MEMO1: variants seen among roughly 807,000 people sequenced by gnomAD.
MEMO1 encodes mediator of cell motility 1, also known as protein MEMO1.
Under a neutral mutation model 45.2 loss-of-function variants are expected in MEMO1, and 6 were observed. The ratio of observed to expected loss-of-function variants is 0.13; its 90% CI spans 0.07 to 0.26. The LOEUF (loss-of-function observed/expected upper bound fraction) is 0.26, where lower values mean the gene tolerates loss of function less well. Among genes scored for constraint, MEMO1 ranks in the 10% least tolerant of loss-of-function variants. The pLI is 1.00. For synonymous variants in MEMO1, 78 were observed against 124.3 expected (o/e 0.63, Z 2.48); for missense variants, 184 against 370.5 (o/e 0.50, Z 4.13).
At chr2:31,969,890 C>G (rs1258004462) in intron 2 of MEMO1, among the ~76,000 whole-genome samples, 1 of 151,944 alleles carries the variant, frequency 6.6e-6, no homozygotes, top group Non-Finnish European at 1.5e-5. Context: ...GCCACTGTGC[C>G]TGGCCACGGT....
chr2:31,937,763 A>AG (rs924812484), intron 3 of MEMO1, among the ~76,000 whole-genome samples: 2 of 152,190 alleles, frequency 1.3e-5, no homozygotes, highest in African/African-American at 4.8e-5. Flanking sequence ...TAAATGTATA[A>AG]GGGGGGCTTC....
chr2:31,910,715 C>G (rs918991458), intron 6 of MEMO1, among the ~76,000 whole-genome samples: 2 of 151,992 alleles, frequency 1.3e-5, no homozygotes, highest in Non-Finnish European at 2.9e-5. Flanking sequence ...TAAAAATTAG[C>G]CAGGCATGGT....
chr2:31,931,390 A>G (rs1338805243), intron 4 of MEMO1, among the ~76,000 whole-genome samples: 2 of 152,156 alleles, frequency 1.3e-5, no homozygotes, highest in African/African-American at 4.8e-5. Context: ...ACCTATTCAC[A>G]TAGCTTGTAC....
chr2:31,920,936 C>T (rs557412327), intron 4 of MEMO1, 26 bp from the exon 5 acceptor site: 29 of 1,438,416 alleles, frequency 2.0e-5, no homozygotes, highest in Non-Finnish European at 2.4e-5. Context: ...CAAAAAAACA[C>T]GTAACAATTG....
intron 2 of MEMO1, among the ~76,000 whole-genome samples, chr2:31,986,221 C>T (rs911176223): frequency 3.9e-5 from 6 of 152,018 alleles, no homozygotes; most frequent in African/African-American, 1.5e-4. Flanking sequence ...GGTGAAACCC[C>T]GTCTCTACTA....
At chr2:31,892,205 AT>A in intron 6 of MEMO1, 71 bp from the exon 7 acceptor site, 1 of 1,374,350 alleles carries the variant, frequency 7.3e-7, no homozygotes, top group Non-Finnish European at 1.0e-6. Flanking sequence ...ATGTGTTGGC[AT>A]TAGAAAGTGG....
At chr2:31,881,871 C>T (rs183768082) in intron 8 of MEMO1, among the ~76,000 whole-genome samples, 38 of 152,144 alleles carry the variant, frequency 2.5e-4, no homozygotes, top group Middle Eastern at 3.4e-3. Flanking sequence ...AAGCTGGGTG[C>T]GGTGTCACAT....
chr2:31,918,107 A>G (rs962768693), intron 5 of MEMO1, 70 bp from the exon 6 acceptor site: 2 of 1,005,598 alleles, frequency 2.0e-6, no homozygotes, highest in African/African-American at 3.3e-5. Flanking sequence ...GATTCCACCC[A>G]GTAACACAAA....
At chr2:31,939,798 C>T (rs879575559) in intron 3 of MEMO1, among the ~76,000 whole-genome samples, 1 of 152,174 alleles carries the variant, frequency 6.6e-6, no homozygotes. Flanking sequence ...TAAAAATCCT[C>T]CTTACCATAT....
chr2:31,964,212 C>G (rs1437800982), intron 2 of MEMO1, among the ~76,000 whole-genome samples: 8 of 151,862 alleles, frequency 5.3e-5, no homozygotes, highest in Admixed American at 5.3e-4. Context: ...AAAGTCAAAA[C>G]CCAGTTTCTT....
chr2:31,913,904 G>A (rs1477881237), intron 6 of MEMO1, among the ~76,000 whole-genome samples: 1 of 152,098 alleles, frequency 6.6e-6, no homozygotes, highest in African/African-American at 2.4e-5. Flanking sequence ...CTTGAATTTA[G>A]CCTTATGATG....
intron 2 of MEMO1, among the ~76,000 whole-genome samples, chr2:32,002,133 A>C (rs1488220541): frequency 1.5e-5 from 2 of 129,126 alleles, no homozygotes; most frequent in South Asian, 5.3e-4. Context: ...CAACACAGCG[A>C]GACTCTGTCT....
intron 8 of MEMO1, among the ~76,000 whole-genome samples, chr2:31,872,915 T>A (rs2147882188): frequency 6.6e-6 from 1 of 152,296 alleles, no homozygotes; most frequent in African/African-American, 2.4e-5. Context: ...ATGATAAAAT[T>A]TAGAAATGGA....
At chr2:32,002,119 T>C (rs1326449282) in intron 2 of MEMO1, among the ~76,000 whole-genome samples, 1 of 118,256 alleles carries the variant, frequency 8.5e-6, no homozygotes, top group Non-Finnish European at 1.6e-5. Flanking sequence ...CCCTCCAGCC[T>C]GGGCAACACA....
At chr2:31,960,787 T>C (rs1432913782) in intron 2 of MEMO1, among the ~76,000 whole-genome samples, 4 of 151,968 alleles carry the variant, frequency 2.6e-5, no homozygotes, top group South Asian at 4.1e-4. Flanking sequence ...TGTTTCCCCA[T>C]GTTGGTCAGA....
chr2:31,996,498 C>T (rs552970736), intron 2 of MEMO1, among the ~76,000 whole-genome samples: 1 of 151,666 alleles, frequency 6.6e-6, no homozygotes, highest in African/African-American at 2.4e-5. Flanking sequence ...GAGCTGAGAT[C>T]GTGCCACTGC....
intron 2 of MEMO1, among the ~76,000 whole-genome samples, chr2:31,980,732 A>G (rs1670539972): frequency 6.6e-6 from 1 of 152,082 alleles, no homozygotes. Context: ...TGGGATTTCA[A>G]TTTAACTTCT....
At chr2:31,955,772 C>A (rs550790226) in intron 2 of MEMO1, among the ~76,000 whole-genome samples, 3 of 152,036 alleles carry the variant, frequency 2.0e-5, no homozygotes, top group Non-Finnish European at 4.4e-5. Context: ...CTAGGCCCAA[C>A]TAATTTTGTA....
rs913467276 is a variant in MEMO1 at position 31,923,872 on chromosome 2, G to C, written c.213-2962C>G. On this transcript the variant is annotated intron_variant, in intron 4 of 9. Coordinates refer to ENST00000404530, the MANE Select transcript of MEMO1 (RefSeq NM_001301833.4). Reference sequence around the variant, plus strand: ...CACTGCTCCAGAAATAAACACCAGAGGTCTGCTGGAAGCCTAATTAACTCT... The same window carrying C: ...CACTGCTCCAGAAATAAACACCAGACGTCTGCTGGAAGCCTAATTAACTCT... 7 of 1,098,472 alleles carry C rather than the reference G, an allele frequency of 6.4e-6. No homozygotes were observed. The African/African-American group carries it at 1.1e-4, about 18-fold the overall frequency. The allele number at this position is 1,098,472 out of a possible 1,614,324, so 68.0% of individuals were successfully genotyped here. A position where few individuals can be genotyped will look rare whatever the true frequency, so the allele number is the denominator to read the frequency against.
Sources: gnomAD v4.1 joint callset for allele counts (sites outside exome capture counted in the v4.1 genomes callset) on GRCh38, gnomAD v4.1.1 for gene constraint, MANE v1.5 for transcripts, NCBI Gene and HGNC (gene_info 2026-07-23, HGNC 2026-07-21) for gene names.